The following ITPK1 variants were observed in gnomAD, a reference collection of about 807,000 sequenced individuals.
ITPK1 encodes inositol 1,3,4-trisphosphate 5/6-kinase.
Under a neutral mutation model 45.3 loss-of-function variants are expected in ITPK1, and 21 were observed. That is an observed-to-expected ratio of 0.46 (90% CI 0.33 to 0.67). The LOEUF is 0.67. Ranked by LOEUF, ITPK1 falls within the 30% of genes least tolerant of loss-of-function variation. The probability of loss-of-function intolerance (pLI) is 0.02; values close to 1 mark genes in which losing one functional copy is unlikely to be tolerated. For synonymous variants in ITPK1, 258 were observed against 253.6 expected (o/e 1.02, Z -0.16); for missense variants, 474 against 573.5 (o/e 0.83, Z 1.77).
At chr14:93,056,240 G>A (rs72706424) in intron 3 of ITPK1, among the ~76,000 whole-genome samples, 6,561 of 152,252 alleles carry the variant, frequency 0.043, 157 homozygotes, top group Non-Finnish European at 0.059. Flanking sequence ...GGGAACTGTC[G>A]GGGAAGGAGT....
chr14:93,028,178 C>T (rs1888842855), intron 3 of ITPK1, among the ~76,000 whole-genome samples: 1 of 152,254 alleles, frequency 6.6e-6, no homozygotes, highest in Non-Finnish European at 1.5e-5. Flanking sequence ...CCAGGCCAAG[C>T]TAGTTCAAGT....
intron 9 of ITPK1, among the ~76,000 whole-genome samples, chr14:92,951,119 C>A (rs1326784488): frequency 6.6e-6 from 1 of 152,218 alleles, no homozygotes; most frequent in Admixed American, 6.5e-5. Context: ...ACCAGCAAAG[C>A]CCCCCAGAAG....
At position 93,107,073 on chromosome 14, in the gene ITPK1, T is replaced by A. The variant is rs1019866823; in HGVS notation, c.95+7996A>T. Among the ~76,000 whole-genome samples the A allele has an allele frequency of 3.9e-5, 6 of 152,128 alleles. No homozygotes were observed. The East Asian group carries it at 7.7e-4, about 20-fold the overall frequency. On this transcript the variant is annotated intron_variant, in intron 2 of 10. Coordinates refer to ENST00000267615, the MANE Select transcript of ITPK1 (RefSeq NM_014216.6). ...CCCGAGCTCAAGCAATTCTCCTGCC[T>A]CAGCGTCCCAAGTAGCTGGGATAAC...
intron 5 of ITPK1, among the ~76,000 whole-genome samples, chr14:92,978,517 G>T (rs1397406078): frequency 6.6e-6 from 1 of 151,966 alleles, no homozygotes; most frequent in Admixed American, 6.5e-5. Flanking sequence ...CTTCACAGCA[G>T]TCCCTCCCAT....
At chr14:93,058,315 C>T (rs564133052) in intron 3 of ITPK1, among the ~76,000 whole-genome samples, 27 of 149,170 alleles carry the variant, frequency 1.8e-4, no homozygotes, top group Admixed American at 2.7e-4. Flanking sequence ...GAACTGGGTC[C>T]GCTCTCACAG....
chr14:92,972,148 G>A (rs915770700), intron 5 of ITPK1, among the ~76,000 whole-genome samples: 7 of 152,166 alleles, frequency 4.6e-5, no homozygotes, highest in East Asian at 1.9e-4. Context: ...CCAGCAAGGC[G>A]TCCATGCCCC....
At position 92,946,451 on chromosome 14, in the gene ITPK1, C is replaced by G; in HGVS notation, c.781G>C (p.Val261Leu). Residue 261 changes from valine to leucine, a missense_variant, in exon 10 of 11, where the codon GTC (valine) becomes CTC (leucine). By Grantham distance (32) the Val-to-Leu change is conservative. Around this residue, in one of 2 missense-constraint regions of ITPK1, gnomAD observed 367 missense variants for 480.6 expected, o/e 0.76. Coordinates refer to ENST00000267615, the MANE Select transcript of ITPK1 (RefSeq NM_014216.6). ...AGGGCCCGGGAGAGCTCCCGGATGA[C>G]CTCGTCGCTCGGCCGCTCGAACACG... ...EGVFERPSDE[V>L]IRELSRALRQ... 1 of 1,613,028 alleles carries G rather than the reference C, an allele frequency of 6.2e-7. No homozygotes were observed. The highest frequency in any genetic ancestry group is 8.5e-7 in the Non-Finnish European group (1 of 1,179,954).
intron 3 of ITPK1, among the ~76,000 whole-genome samples, chr14:93,052,494 A>G (rs1246530427): frequency 6.6e-6 from 1 of 152,136 alleles, no homozygotes; most frequent in African/African-American, 2.4e-5. Context: ...TCTCTGACCC[A>G]GGGAGGCCTG....
chr14:93,015,903 C>T (rs1407645325), intron 4 of ITPK1, among the ~76,000 whole-genome samples: 1 of 152,230 alleles, frequency 6.6e-6, no homozygotes, highest in East Asian at 1.9e-4. Flanking sequence ...AAATCTGCGC[C>T]TGTCACACGC....
intron 3 of ITPK1, among the ~76,000 whole-genome samples, chr14:93,055,964 A>C (rs1284035752): frequency 6.6e-6 from 1 of 152,128 alleles, no homozygotes; most frequent in Non-Finnish European, 1.5e-5. Context: ...TAGGGAGGTG[A>C]ATCAGGCAGC....
At position 92,939,984 on chromosome 14, in the gene ITPK1, T is replaced by C. The variant is rs1887279890; in HGVS notation, c.*1577A>G. Reference sequence around the variant, plus strand: ...GGTGACGTACAGACATTAATCGGGGTTCAAAACTCAAGTCGTGTAAACGTG... The same window carrying C: ...GGTGACGTACAGACATTAATCGGGGCTCAAAACTCAAGTCGTGTAAACGTG... On this transcript the variant is annotated 3_prime_UTR_variant, in exon 11 of 11. Coordinates refer to ENST00000267615, the MANE Select transcript of ITPK1 (RefSeq NM_014216.6). 2.0e-6 allele frequency: 2 copies of C among 985,700 alleles called. No individual in the cohort carries two copies. Among genetic ancestry groups the C allele is most frequent in the African/African-American group, 1.7e-5 (1 of 57,188 alleles). 61.1% of individuals were successfully genotyped at this position (985,700 alleles called of 1,614,324 possible).
At chr14:93,058,214 C>CCA (rs1228386507) in intron 3 of ITPK1, among the ~76,000 whole-genome samples, 3 of 151,470 alleles carry the variant, frequency 2.0e-5, no homozygotes, top group Admixed American at 2.0e-4. Context: ...CAGAAATGAG[C>CCA]CATGGGGTGA....
intron 7 of ITPK1, among the ~76,000 whole-genome samples, chr14:92,960,667 G>A (rs1034268796): frequency 5.3e-5 from 8 of 152,198 alleles, no homozygotes; most frequent in East Asian, 1.9e-4. Context: ...TAATAACTAC[G>A]CTCGTGCTTC....
chr14:93,017,654 G>A (rs576950797), intron 3 of ITPK1, among the ~76,000 whole-genome samples: 3 of 152,366 alleles, frequency 2.0e-5, no homozygotes, highest in East Asian at 1.9e-4. Context: ...CGGAGGCAGC[G>A]GCGCCAGCCC....
At chr14:93,085,994 T>C (rs996952053) in intron 2 of ITPK1, among the ~76,000 whole-genome samples, 2 of 143,614 alleles carry the variant, frequency 1.4e-5, no homozygotes, top group Non-Finnish European at 3.1e-5. Flanking sequence ...CCACTCCCCC[T>C]CCTCCGTCAG....
At chr14:93,018,715 T>A (rs1161188288) in intron 3 of ITPK1, among the ~76,000 whole-genome samples, 1 of 151,856 alleles carries the variant, frequency 6.6e-6, no homozygotes, top group Non-Finnish European at 1.5e-5. Flanking sequence ...CTTCCCAATA[T>A]CTCCTGAGAC....
intron 2 of ITPK1, among the ~76,000 whole-genome samples, chr14:93,092,431 G>A (rs530895344): frequency 6.6e-6 from 1 of 152,308 alleles, no homozygotes; most frequent in African/African-American, 2.4e-5. Flanking sequence ...TGGCTACACG[G>A]GCCTTGACAT....
At chr14:93,069,826 G>A (rs1305396379) in intron 3 of ITPK1, 2 of 152,196 alleles carry the variant, frequency 1.3e-5, no homozygotes, top group Non-Finnish European at 2.9e-5. Flanking sequence ...GTGCAGGAAG[G>A]GGTAAAAACA....
intron 2 of ITPK1, among the ~76,000 whole-genome samples, chr14:93,100,537 GGAGAGAGA>G (rs369481573): frequency 2.7e-5 from 4 of 148,134 alleles, no homozygotes; most frequent in East Asian, 3.9e-4. Flanking sequence ...GAGAGAGGAG[GGAGAGAGA>G]GAGAGAGAGA....
Sources: allele counts gnomAD v4.1 joint callset (sites outside exome capture counted in the v4.1 genomes callset), GRCh38; gene constraint gnomAD v4.1.1; regional missense constraint gnomAD v4.1.1; transcripts MANE v1.5; gene names NCBI Gene and HGNC (gene_info 2026-07-23, HGNC 2026-07-21).